SETD5: variants seen among roughly 807,000 people sequenced by gnomAD.
SETD5 encodes histone-lysine N-methyltransferase SETD5.
A neutral mutation model predicts 153.3 loss-of-function variants in SETD5; 44 were observed. The observed-to-expected ratio is 0.29, with a 90% confidence interval of 0.23 to 0.37. The LOEUF is 0.37. SETD5 is among the 10% of genes least tolerant of loss of function. SETD5 has a pLI of 1.00. For missense variants in SETD5, 1,544 were observed against 1,768.0 expected (o/e 0.87, Z 2.27); for synonymous variants, 716 against 645.2 (o/e 1.11, Z -1.66).
In SETD5 at chr3:9,474,724, T is replaced by C. The variant is rs2045675138; in HGVS notation, c.3631+142T>C. On this transcript the variant is annotated intron_variant, in intron 21 of 22. Transcript: ENST00000402198. ...CGCATGCTAGGTTCCAGCCCACTTA[T>C]GCTCATTTGGGCTACCACATTTGTA... 7 of 1,168,170 alleles carry C rather than the reference T, an allele frequency of 6.0e-6. No homozygotes were observed. In the East Asian group the frequency reaches 7.1e-5, roughly 12 times the overall value. 72.4% of individuals were successfully genotyped at this position (1,168,170 alleles called of 1,614,324 possible). A position where few individuals can be genotyped will look rare whatever the true frequency, so the allele number is the denominator to read the frequency against.
At chr3:9,451,507 C>A (rs967229042) in intron 16 of SETD5, among the ~76,000 whole-genome samples, 1 of 152,142 alleles carries the variant, frequency 6.6e-6, no homozygotes, top group South Asian at 2.1e-4. Context: ...AGTGCAGTGG[C>A]ATCATCACAG....
intron 1 of SETD5, among the ~76,000 whole-genome samples, chr3:9,407,393 G>A (rs1300154448): frequency 6.6e-6 from 1 of 152,130 alleles, no homozygotes. Flanking sequence ...GCCATGTGTG[G>A]AGTCCCAGGG....
At chr3:9,402,331 A>G (rs1168583115) in intron 1 of SETD5, among the ~76,000 whole-genome samples, 1 of 152,178 alleles carries the variant, frequency 6.6e-6, no homozygotes, top group Non-Finnish European at 1.5e-5. Context: ...AGGTAAGCTC[A>G]GTCTGCTTTA....
chr3:9,454,308 T>A (rs2042955882), intron 17 of SETD5, among the ~76,000 whole-genome samples: 1 of 152,076 alleles, frequency 6.6e-6, no homozygotes, highest in South Asian at 2.1e-4. Context: ...AAGGGGCTTG[T>A]ATAATTAGCA....
At chr3:9,445,962 GTTGTTTTTTTT>G (rs1230548889) in intron 13 of SETD5, among the ~76,000 whole-genome samples, 1 of 120,248 alleles carries the variant, frequency 8.3e-6, no homozygotes, top group Non-Finnish European at 1.7e-5. Flanking sequence ...GTTTGAAGAG[GTTGTTTTTTTT>G]TTTTTTTTTT....
At chr3:9,423,185 A>T (rs1297304912) in intron 1 of SETD5, 1 of 152,260 alleles carries the variant, frequency 6.6e-6, no homozygotes, top group African/African-American at 2.4e-5. Flanking sequence ...TCAGCAAGTC[A>T]TATAGAGAAG....
At chr3:9,459,409 CAAA>C (rs1001561986) in intron 17 of SETD5, among the ~76,000 whole-genome samples, 13 of 151,922 alleles carry the variant, frequency 8.6e-5, no homozygotes, top group Admixed American at 4.6e-4. Context: ...CCTCTACCCC[CAAA>C]AACAGCGTAG....
chr3:9,407,917 T>C (rs1433451247), intron 1 of SETD5, among the ~76,000 whole-genome samples: 2 of 151,966 alleles, frequency 1.3e-5, no homozygotes, highest in Admixed American at 1.3e-4. Context: ...GGAGAATCGC[T>C]CGAACCCAGG....
chr3:9,425,562 T>C (rs1575315690), intron 2 of SETD5, among the ~76,000 whole-genome samples: 1 of 151,460 alleles, frequency 6.6e-6, no homozygotes, highest in Non-Finnish European at 1.5e-5. Context: ...TTGTCTTTTA[T>C]CTAGAAACTG....
Position 9,434,907 on chromosome 3 carries a change from A to G in SETD5, c.388+25A>G, listed in dbSNP as rs1413367994. Reference sequence around the variant, plus strand: ...GGTGAGCGGAAGATGGGTTAGGTCCACAATTTGACATAAAAATATTCTGTG... The same window carrying G: ...GGTGAGCGGAAGATGGGTTAGGTCCGCAATTTGACATAAAAATATTCTGTG... On this transcript the variant is annotated intron_variant, in intron 6 of 22. Transcript: ENST00000402198. The surrounding 1 kb of genome is among the most constrained non-coding windows in gnomAD (Gnocchi z 5.6). 1.2e-6 allele frequency: 2 copies of G among 1,606,938 alleles called. No homozygotes were observed. The highest frequency in any genetic ancestry group is 1.7e-6 in the Non-Finnish European group (2 of 1,176,998).
intron 1 of SETD5, among the ~76,000 whole-genome samples, chr3:9,421,019 A>G (rs925017291): frequency 1.3e-5 from 2 of 151,998 alleles, no homozygotes; most frequent in African/African-American, 4.8e-5. Context: ...CTTGCTACAA[A>G]TGCTGTTCCA....
At chr3:9,450,385 A>G (rs769254917) in intron 16 of SETD5, among the ~76,000 whole-genome samples, 4 of 152,230 alleles carry the variant, frequency 2.6e-5, no homozygotes, top group Non-Finnish European at 4.4e-5. Flanking sequence ...GATTATCATA[A>G]CAAGACTATT....
chr3:9,458,746 A>G (rs181735674), intron 17 of SETD5, among the ~76,000 whole-genome samples: 5 of 152,340 alleles, frequency 3.3e-5, no homozygotes, highest in Admixed American at 6.5e-5. Context: ...CCTGCTAGCA[A>G]TCTGATAAAA....
intron 17 of SETD5, among the ~76,000 whole-genome samples, chr3:9,454,335 A>G (rs887516977): frequency 3.9e-5 from 6 of 152,146 alleles, no homozygotes; most frequent in Non-Finnish European, 7.3e-5. Context: ...TTTTAAAAGA[A>G]CAGCCGGGCG....
chr3:9,428,930 T>C lies in SETD5; in HGVS notation c.-9T>C, dbSNP rs1342611458. 6.2e-7 allele frequency: 1 copy of C among 1,611,454 alleles called. No individual in the cohort carries two copies. The highest frequency in any genetic ancestry group is 1.1e-5 in the South Asian group (1 of 90,680). On this transcript the variant is annotated 5_prime_UTR_variant, in exon 3 of 23. Transcript: ENST00000402198. ...CCCGTGATTTCCAATCTCTGCTGTG[T>C]TGGACGTCATGAGCATTGCAATCCC...
At chr3:9,464,397 A>G (rs759788395) in intron 17 of SETD5, 28 bp from the exon 18 acceptor site, 1 of 1,593,730 alleles carries the variant, frequency 6.3e-7, no homozygotes, top group South Asian at 1.1e-5. Flanking sequence ...GTGGTTTCAA[A>G]CTCTCATCCA....
chr3:9,454,243 G>A (rs538080029), intron 17 of SETD5: 1 of 154,228 alleles, frequency 6.5e-6, no homozygotes, highest in African/African-American at 2.4e-5. Context: ...ACATGGTTGA[G>A]GGAGCAGGGG....
At chr3:9,430,809 A>G (rs1167396025) in intron 3 of SETD5, 1 of 985,224 alleles carries the variant, frequency 1.0e-6, no homozygotes, top group African/African-American at 1.7e-5. Flanking sequence ...CTAATTCCAG[A>G]AATAAAAATA....
chr3:9,441,959 T>C (rs548411442), intron 9 of SETD5, among the ~76,000 whole-genome samples, 169 bp from the exon 10 acceptor site: 7 of 152,358 alleles, frequency 4.6e-5, no homozygotes, highest in Admixed American at 2.0e-4. Flanking sequence ...AAGCATTCCT[T>C]GCTTTGTGCT....
Sources: allele counts gnomAD v4.1 joint callset (sites outside exome capture counted in the v4.1 genomes callset), GRCh38; gene constraint gnomAD v4.1.1; non-coding constraint Gnocchi (gnomAD v3.1); transcripts MANE v1.5; gene names NCBI Gene and HGNC (gene_info 2026-07-23, HGNC 2026-07-21).